CLTCL1: variants seen among roughly 807,000 people sequenced by gnomAD.
CLTCL1 encodes the protein clathrin heavy chain like 1.
A neutral mutation model predicts 190.0 loss-of-function variants in CLTCL1; 159 were observed. That is an observed-to-expected ratio of 0.84 (90% confidence interval 0.74 to 0.95). The LOEUF (loss-of-function observed/expected upper bound fraction) is 0.95. CLTCL1 is among the 40% of genes least tolerant of loss of function. The probability of loss-of-function intolerance (pLI) is 0.00; values close to 1 mark genes in which losing one functional copy is unlikely to be tolerated. For missense variants in CLTCL1, 1,878 were observed against 2,033.4 expected, an observed-to-expected ratio of 0.92 and a Z score of 1.47; for synonymous variants, 752 against 769.6, an observed-to-expected ratio of 0.98 and a Z score of 0.38.
At chr22:19,281,891 T>C (rs1395945709) in intron 1 of CLTCL1, among the ~76,000 whole-genome samples, 1 of 152,124 alleles carries the variant, frequency 6.6e-6, no homozygotes, top group Non-Finnish European at 1.5e-5. Flanking sequence ...GTATGGCATT[T>C]GAAAAAGGTA....
chr22:19,278,563 A>C (rs1420318070), intron 1 of CLTCL1, among the ~76,000 whole-genome samples: 3 of 152,226 alleles, frequency 2.0e-5, no homozygotes, highest in Non-Finnish European at 4.4e-5. Context: ...ACTGATACTT[A>C]GTAAACCAGG....
chr22:19,233,630 T>C lies in CLTCL1; in HGVS notation c.1168-8A>G. 6.2e-7 allele frequency: 1 copy of C among 1,610,368 alleles called. No homozygotes were observed. The highest frequency in any genetic ancestry group is 8.5e-7 in the Non-Finnish European group (1 of 1,178,692). On this transcript the variant is annotated splice_polypyrimidine_tract_variant and splice_region_variant and intron_variant, in intron 7 of 32. Transcript: ENST00000427926. The stretch of plus-strand genomic sequence containing the variant: ...TCTGGTACGCAGGATTCCCTAATAA[T>C]AAATGGAAAAATAGGTCATTGTGTT...
intron 18 of CLTCL1, among the ~76,000 whole-genome samples, chr22:19,219,157 TTTTATTTA>T (rs201050834): frequency 1.4e-3 from 208 of 148,954 alleles, no homozygotes; most frequent in African/African-American, 2.2e-3. Flanking sequence ...GACTAAGATG[TTTTATTTA>T]TTTATTTATT....
At chr22:19,249,575 A>G (rs1158319707) in intron 3 of CLTCL1, among the ~76,000 whole-genome samples, 1 of 151,842 alleles carries the variant, frequency 6.6e-6, no homozygotes, top group Non-Finnish European at 1.5e-5. Flanking sequence ...GCACATCTAT[A>G]ATCCCAGCTA....
intron 18 of CLTCL1, among the ~76,000 whole-genome samples, chr22:19,217,577 C>CT (rs2085425589): frequency 7.9e-6 from 1 of 125,914 alleles, no homozygotes; most frequent in South Asian, 2.8e-4. Flanking sequence ...GATCGCGCCA[C>CT]TGTACTCCAG....
chr22:19,202,093 C>T (rs974070262), intron 22 of CLTCL1, among the ~76,000 whole-genome samples: 1 of 152,028 alleles, frequency 6.6e-6, no homozygotes, highest in African/African-American at 2.4e-5. Flanking sequence ...TCAACTCCAC[C>T]AGTCCAGTGA....
rs1025424411 is a variant in CLTCL1 at position 19,199,966 on chromosome 22, G to A, written c.3766-125C>T. On this transcript the variant is annotated intron_variant, in intron 23 of 32. Coordinates refer to ENST00000427926, the MANE Select transcript of CLTCL1 (RefSeq NM_007098.4). The stretch of plus-strand genomic sequence containing the variant: ...AGTGGGGTATTTTAAGTTGGATTCT[G>A]AACAAGTAGCTAACTCTATGATGAA... 4.9e-6 allele frequency: 3 copies of A among 612,114 alleles called. No individual in the cohort carries two copies. The African/African-American group carries it at 5.5e-5, about 11-fold the overall frequency. 37.9% of individuals were successfully genotyped at this position (612,114 alleles called of 1,614,324 possible).
chr22:19,228,357 A>G (rs2085817676), intron 11 of CLTCL1, among the ~76,000 whole-genome samples: 1 of 152,224 alleles, frequency 6.6e-6, no homozygotes, highest in South Asian at 2.1e-4. Context: ...ACTAAGCCAG[A>G]GCCTGCTGGC....
In CLTCL1 at chr22:19,282,616, G is replaced by A. The variant is rs182125633; in HGVS notation, c.43-6786C>T. 4.7e-3 allele frequency among the ~76,000 whole-genome samples: 703 copies of A among 148,624 alleles called. 2 individuals are homozygous for A. The highest frequency in any genetic ancestry group is 8.1e-3 in the Non-Finnish European group (543 of 67,268). On this transcript the variant is annotated intron_variant, in intron 1 of 32. Transcript: ENST00000427926. The stretch of plus-strand genomic sequence containing the variant: ...TGCACTCCAGCCTGGGCGACAGAGC[G>A]AGACTCTGTCTCAAAAAAAAAAAAA...
At position 19,191,312 on chromosome 22, in the gene CLTCL1, A is replaced by C. The variant is rs200076848; in HGVS notation, c.4315T>G (p.Phe1439Val). 6.2e-6 allele frequency: 10 copies of C among 1,613,886 alleles called. No homozygotes were observed. In the African/African-American group the frequency reaches 1.3e-4, roughly 22 times the overall value. Residue 1439 changes from phenylalanine to valine, a missense_variant, in exon 27 of 33, where the codon TTT becomes GTT. Phe to Val is a conservative substitution (Grantham distance 50). Coordinates refer to ENST00000427926, the MANE Select transcript of CLTCL1 (RefSeq NM_007098.4). ...GGTTTTGGTTGACTCACCTTTGAAA[A>C]GAAACTGACTGTCCAGGTGTGGTCC... Reference protein sequence around the residue: ...RLDHTWTVSFFSKAGQLPLVK... With the variant: ...RLDHTWTVSFVSKAGQLPLVK...
intron 20 of CLTCL1, 155 bp from the exon 21 acceptor site, chr22:19,209,269 G>A: frequency 1.7e-6 from 1 of 595,684 alleles, no homozygotes; most frequent in Non-Finnish European, 2.8e-6. Flanking sequence ...CAGATGGACA[G>A]GTTGAGGGAA....
Position 19,183,547 on chromosome 22 carries a change from A to G in CLTCL1, c.4670T>C (p.Phe1557Ser). 5.0e-6 allele frequency: 8 copies of G among 1,613,812 alleles called. No homozygotes were observed. The highest frequency in any genetic ancestry group is 6.8e-6 in the Non-Finnish European group (8 of 1,179,886). ...AELAQKLLQWFLEEGKRECFA... is the reference protein window; with the variant it reads ...AELAQKLLQWSLEEGKRECFA... Reference sequence around the variant, plus strand: ...GCACTCCCTCTTGCCTTCCTCCAGGAACCACTGCAGCAACTTCTGGGCCAG... The same window carrying G: ...GCACTCCCTCTTGCCTTCCTCCAGGGACCACTGCAGCAACTTCTGGGCCAG... The change falls in exon 30 of 33, where the codon TTC becomes TCC. Residue 1557 changes from phenylalanine to serine, a missense_variant. Coordinates refer to ENST00000427926, the MANE Select transcript of CLTCL1 (RefSeq NM_007098.4).
intron 12 of CLTCL1, 71 bp from the exon 13 acceptor site, chr22:19,225,704 A>G: frequency 7.4e-7 from 1 of 1,343,634 alleles, no homozygotes; most frequent in South Asian, 1.5e-5. Context: ...GAAAATAACT[A>G]GGTCATTCTC....
At chr22:19,230,348 C>T (rs2085883622) in intron 10 of CLTCL1, among the ~76,000 whole-genome samples, 1 of 152,152 alleles carries the variant, frequency 6.6e-6, no homozygotes, top group Non-Finnish European at 1.5e-5. Flanking sequence ...AGGTGATCCG[C>T]CCGCCTCGGC....
At chr22:19,239,929 C>T (rs952074227) in intron 4 of CLTCL1, among the ~76,000 whole-genome samples, 1 of 151,568 alleles carries the variant, frequency 6.6e-6, no homozygotes, top group African/African-American at 2.4e-5. Flanking sequence ...AGTGCCTTCC[C>T]TATAACTTTC....
chr22:19,192,895 A>G (rs1555933231), intron 26 of CLTCL1, among the ~76,000 whole-genome samples: 4 of 152,224 alleles, frequency 2.6e-5, no homozygotes, highest in Non-Finnish European at 4.4e-5. Context: ...TTGGAGCTCT[A>G]GCACCTGTCA....
At chr22:19,218,334 T>C (rs2085457543) in intron 18 of CLTCL1, among the ~76,000 whole-genome samples, 1 of 152,242 alleles carries the variant, frequency 6.6e-6, no homozygotes, top group African/African-American at 2.4e-5. Flanking sequence ...TAGAATATTG[T>C]GTTGTTTAAT....
At chr22:19,207,010 ATTTTT>A (rs781980213) in intron 22 of CLTCL1, among the ~76,000 whole-genome samples, 4 of 92,780 alleles carry the variant, frequency 4.3e-5, no homozygotes, top group Admixed American at 1.4e-4. Context: ...TAAACTACTA[ATTTTT>A]TTTTTTTTTT....
At chr22:19,264,015 C>T (rs747054887) in intron 2 of CLTCL1, among the ~76,000 whole-genome samples, 2 of 151,896 alleles carry the variant, frequency 1.3e-5, no homozygotes, top group African/African-American at 4.8e-5. Context: ...AAAAAATGAC[C>T]CACGTGGAGT....
Sources: allele counts gnomAD v4.1 joint callset (sites outside exome capture counted in the v4.1 genomes callset), GRCh38; gene constraint gnomAD v4.1.1; transcripts MANE v1.5; gene names NCBI Gene and HGNC (gene_info 2026-07-23, HGNC 2026-07-21).